The following SHISA6 variants were observed in gnomAD, a reference collection of about 807,000 sequenced individuals.
SHISA6 encodes protein shisa-6.
In SHISA6, 22 loss-of-function variants were observed where a neutral mutation model predicts 47.9. The observed-to-expected ratio is 0.46, with a 90% confidence interval of 0.33 to 0.66. The LOEUF (loss-of-function observed/expected upper bound fraction) is 0.66, where lower values mean the gene tolerates loss of function less well. Ranked by LOEUF, SHISA6 falls within the 30% of genes least tolerant of loss-of-function variation. SHISA6 has a pLI of 0.02. For missense variants in SHISA6, 680 were observed against 764.6 expected, an observed-to-expected ratio of 0.89 and a Z score of 1.30; for synonymous variants, 388 against 337.8, an observed-to-expected ratio of 1.15 and a Z score of -1.63.
At chr17:11,381,497 C>G (rs1049266384) in intron 3 of SHISA6, among the ~76,000 whole-genome samples, 1 of 152,148 alleles carries the variant, frequency 6.6e-6, no homozygotes, top group Non-Finnish European at 1.5e-5. Context: ...TGGCAGGAAG[C>G]TGGTCTTCCC....
chr17:11,538,849 T>C (rs1049390553), intron 3 of SHISA6, among the ~76,000 whole-genome samples: 1 of 152,198 alleles, frequency 6.6e-6, no homozygotes, highest in East Asian at 1.9e-4. Flanking sequence ...CAGGTTATCA[T>C]AGCAATTCTG....
chr17:11,493,709 G>T (rs2071385384), intron 3 of SHISA6, among the ~76,000 whole-genome samples: 1 of 152,212 alleles, frequency 6.6e-6, no homozygotes, highest in Admixed American at 6.5e-5. Context: ...GCCATTTGGG[G>T]ATTCCCAGCC....
intron 3 of SHISA6, chr17:11,380,590 TGGGATTGCTG>T (rs1330742907): frequency 6.6e-6 from 1 of 152,216 alleles, no homozygotes. Context: ...AACTCAAACC[TGGGATTGCTG>T]GTCCCCACAT....
intron 3 of SHISA6, among the ~76,000 whole-genome samples, chr17:11,498,656 A>C (rs1237036483): frequency 6.6e-6 from 1 of 152,172 alleles, no homozygotes; most frequent in Non-Finnish European, 1.5e-5. Flanking sequence ...GTTATATATC[A>C]ATAAACAATA....
chr17:11,409,356 A>C (rs796250892), intron 3 of SHISA6, among the ~76,000 whole-genome samples: 1 of 152,200 alleles, frequency 6.6e-6, no homozygotes, highest in East Asian at 1.9e-4. Flanking sequence ...ATAGAAGGTC[A>C]TCAAACTCAG....
intron 2 of SHISA6, among the ~76,000 whole-genome samples, chr17:11,328,038 G>T (rs938594824): frequency 6.6e-6 from 1 of 151,688 alleles, no homozygotes; most frequent in Admixed American, 6.6e-5. Context: ...TCACTTTTTT[G>T]TGACATTTAC....
intron 3 of SHISA6, among the ~76,000 whole-genome samples, chr17:11,506,753 T>G (rs1433104846): frequency 6.6e-6 from 1 of 152,204 alleles, no homozygotes; most frequent in Non-Finnish European, 1.5e-5. Flanking sequence ...TTTTTATAAA[T>G]GAGCTTAAAA....
intron 3 of SHISA6, among the ~76,000 whole-genome samples, chr17:11,511,180 C>T (rs1380533517): frequency 3.3e-5 from 5 of 152,076 alleles, no homozygotes; most frequent in African/African-American, 1.2e-4. Flanking sequence ...CAAACTAACA[C>T]AGGAACAGAA....
chr17:11,248,967 G>T (rs1005493715), intron 1 of SHISA6, among the ~76,000 whole-genome samples: 1 of 151,996 alleles, frequency 6.6e-6, no homozygotes, highest in African/African-American at 2.4e-5. Context: ...GTGAAACCTC[G>T]TCTCTACTAA....
intron 3 of SHISA6, among the ~76,000 whole-genome samples, chr17:11,509,289 G>A (rs1011934364): frequency 2.6e-5 from 4 of 152,208 alleles, no homozygotes; most frequent in African/African-American, 9.6e-5. Context: ...GGGGAACACA[G>A]TCTGAGGAGA....
intron 2 of SHISA6, among the ~76,000 whole-genome samples, chr17:11,344,166 A>T (rs1911622857): frequency 6.6e-6 from 1 of 151,898 alleles, no homozygotes; most frequent in Non-Finnish European, 1.5e-5. Context: ...TCTATTTTTT[A>T]TTTGGGCTGT....
chr17:11,323,986 G>A (rs940372686), intron 2 of SHISA6, among the ~76,000 whole-genome samples: 42 of 152,198 alleles, frequency 2.8e-4, no homozygotes, highest in Middle Eastern at 3.4e-3. Context: ...TACAGAATGA[G>A]GGCTATAACA....
intron 2 of SHISA6, among the ~76,000 whole-genome samples, chr17:11,302,114 C>T (rs796372249): frequency 8.5e-5 from 13 of 152,298 alleles, no homozygotes; most frequent in African/African-American, 2.2e-4. Context: ...ACCTCCCCTC[C>T]GGGCCCCTCC....
At chr17:11,307,651 G>C (rs1265004287) in intron 2 of SHISA6, among the ~76,000 whole-genome samples, 1 of 152,198 alleles carries the variant, frequency 6.6e-6, no homozygotes, top group African/African-American at 2.4e-5. Context: ...AAGACGGGGA[G>C]AATGGATTGG....
chr17:11,521,070 G>A (rs1765695192), intron 3 of SHISA6, among the ~76,000 whole-genome samples: 1 of 152,096 alleles, frequency 6.6e-6, no homozygotes, highest in African/African-American at 2.4e-5. Flanking sequence ...ATGGTGCTTT[G>A]GATTTAAAGC....
intron 3 of SHISA6, among the ~76,000 whole-genome samples, chr17:11,404,251 T>A (rs1442968154): frequency 6.6e-6 from 1 of 152,240 alleles, no homozygotes; most frequent in Non-Finnish European, 1.5e-5. Context: ...AATCTGTGAC[T>A]TGATCCTGTG....
At chr17:11,360,459 C>T (rs1304650809) in intron 2 of SHISA6, among the ~76,000 whole-genome samples, 1 of 151,616 alleles carries the variant, frequency 6.6e-6, no homozygotes, top group African/African-American at 2.4e-5. Flanking sequence ...ACTTGGTAGG[C>T]TGAGGCAGGA....
intron 3 of SHISA6, among the ~76,000 whole-genome samples, chr17:11,550,259 G>A (rs2071919715): frequency 6.6e-6 from 1 of 152,106 alleles, no homozygotes. Flanking sequence ...GTTTCACCAT[G>A]TTGGCCAGGC....
intron 3 of SHISA6, among the ~76,000 whole-genome samples, chr17:11,469,464 C>T (rs1915887358): frequency 6.6e-6 from 1 of 152,184 alleles, no homozygotes; most frequent in Non-Finnish European, 1.5e-5. Flanking sequence ...TTCTGACCTC[C>T]AGAACTGTCA....
Sources: allele counts gnomAD v4.1 joint callset (sites outside exome capture counted in the v4.1 genomes callset), GRCh38; gene constraint gnomAD v4.1.1; transcripts MANE v1.5; gene names NCBI Gene and HGNC (gene_info 2026-07-23, HGNC 2026-07-21).